Variants in ADK observed in about 807,000 individuals in gnomAD.
ADK encodes adenosine kinase.
A neutral mutation model predicts 44.7 loss-of-function variants in ADK; 24 were observed. The ratio of observed to expected loss-of-function variants is 0.54; its 90% confidence interval spans 0.39 to 0.76. ADK has a LOEUF of 0.76. Ranked by LOEUF, ADK falls within the 30% of genes least tolerant of loss-of-function variation. ADK has a pLI of 0.00. For synonymous variants in ADK, 128 were observed against 142.6 expected (o/e 0.90, Z 0.73); for missense variants, 321 against 425.1 (o/e 0.76, Z 2.15).
intron 9 of ADK, among the ~76,000 whole-genome samples, chr10:74,643,697 G>T (rs1853956238): frequency 6.6e-6 from 1 of 152,110 alleles, no homozygotes; most frequent in Non-Finnish European, 1.5e-5. Context: ...TGTTGTATTT[G>T]CAAAATTGCT....
At chr10:74,602,976 G>A (rs1313617581) in intron 9 of ADK, among the ~76,000 whole-genome samples, 1 of 152,058 alleles carries the variant, frequency 6.6e-6, no homozygotes, top group Non-Finnish European at 1.5e-5. Context: ...GCAATCATTC[G>A]CCAGGCTCTG....
At chr10:74,330,030 C>T (rs780545814) in intron 4 of ADK, among the ~76,000 whole-genome samples, 4 of 151,778 alleles carry the variant, frequency 2.6e-5, no homozygotes, top group South Asian at 2.1e-4. Context: ...TAGCCAGGCA[C>T]GGTGGTACAT....
intron 2 of ADK, among the ~76,000 whole-genome samples, chr10:74,216,868 A>G (rs1241444249): frequency 6.6e-6 from 1 of 152,164 alleles, no homozygotes; most frequent in Non-Finnish European, 1.5e-5. Context: ...TCCTTTTTAT[A>G]TTAATAAAAA....
In ADK at chr10:74,670,232, T is replaced by C. The variant is rs770375300; in HGVS notation, c.927T>C (p.Ile309=). ...TCTTGGATCAAGACCAGAAAGAAATTATTGATACCAATGGAGCTGGAGATG... is the reference window on the plus strand; with the variant it reads ...TCTTGGATCAAGACCAGAAAGAAATCATTGATACCAATGGAGCTGGAGATG... ...FAVLDQDQKE[I]IDTNGAGDAF... Residue 309 remains isoleucine, a synonymous_variant, in exon 10 of 11, where the codon ATT becomes ATC. Coordinates refer to ENST00000539909, the MANE Select transcript of ADK (RefSeq NM_006721.4). 3.7e-5 allele frequency: 59 copies of C among 1,613,878 alleles called. No individual in the cohort carries two copies. Among genetic ancestry groups the C allele is most frequent in the Non-Finnish European group, 5.0e-5 (59 of 1,179,916 alleles).
chr10:74,553,876 A>G (rs143765339), intron 7 of ADK, among the ~76,000 whole-genome samples: 27 of 152,328 alleles, frequency 1.8e-4, no homozygotes, highest in Non-Finnish European at 3.7e-4. Context: ...ATCTCTACTA[A>G]TAAATCTCAC....
intron 7 of ADK, among the ~76,000 whole-genome samples, chr10:74,540,155 TA>T (rs1175271811): frequency 2.6e-5 from 4 of 152,022 alleles, no homozygotes; most frequent in South Asian, 4.2e-4. Context: ...TTTTAAAAAT[TA>T]AAAAAAATTA....
chr10:74,462,163 A>G (rs2133247041), intron 6 of ADK, among the ~76,000 whole-genome samples: 1 of 152,202 alleles, frequency 6.6e-6, no homozygotes, highest in African/African-American at 2.4e-5. Flanking sequence ...CCATGTCCTA[A>G]GCAGCAGTAA....
chr10:74,318,255 G>A (rs1840695484), intron 4 of ADK, among the ~76,000 whole-genome samples: 1 of 152,088 alleles, frequency 6.6e-6, no homozygotes, highest in South Asian at 2.1e-4. Context: ...TTGAACTGCT[G>A]CGCTCACAGG....
intron 9 of ADK, among the ~76,000 whole-genome samples, chr10:74,604,340 A>C (rs1022181939): frequency 1.3e-5 from 2 of 152,078 alleles, no homozygotes; most frequent in African/African-American, 4.8e-5. Context: ...CTATGTCCTG[A>C]ATGGTATTAC....
At chr10:74,387,111 A>G (rs1592137148) in intron 4 of ADK, among the ~76,000 whole-genome samples, 1 of 152,002 alleles carries the variant, frequency 6.6e-6, no homozygotes, top group Non-Finnish European at 1.5e-5. Flanking sequence ...TAATTATTGC[A>G]TTTTTAGTAG....
intron 7 of ADK, among the ~76,000 whole-genome samples, chr10:74,581,952 G>C (rs1448989272): frequency 6.6e-6 from 1 of 152,124 alleles, no homozygotes; most frequent in African/African-American, 2.4e-5. Flanking sequence ...CTGCTGTATG[G>C]CCTTGGACAT....
At chr10:74,216,965 T>C (rs1191273928) in intron 2 of ADK, among the ~76,000 whole-genome samples, 1 of 152,154 alleles carries the variant, frequency 6.6e-6, no homozygotes, top group African/African-American at 2.4e-5. Flanking sequence ...GATTTCTGCA[T>C]TTCCATCTGA....
At chr10:74,653,316 G>A (rs180952742) in intron 9 of ADK, among the ~76,000 whole-genome samples, 229 of 152,210 alleles carry the variant, frequency 1.5e-3, no homozygotes, top group African/African-American at 4.9e-3. Flanking sequence ...GTTGGGCTTG[G>A]TGGTGGGCAC....
chr10:74,654,228 A>G (rs893347844), intron 9 of ADK, among the ~76,000 whole-genome samples: 7 of 152,242 alleles, frequency 4.6e-5, no homozygotes. Flanking sequence ...AAGAAGGGTC[A>G]CATTTAGAAT....
intron 6 of ADK, among the ~76,000 whole-genome samples, chr10:74,482,804 A>G (rs955849909): frequency 4.6e-5 from 7 of 152,018 alleles, no homozygotes; most frequent in Non-Finnish European, 7.4e-5. Flanking sequence ...ATAATCTTTG[A>G]CTCTATGTCT....
intron 2 of ADK, among the ~76,000 whole-genome samples, chr10:74,223,717 A>T (rs1040199106): frequency 6.6e-6 from 1 of 152,148 alleles, no homozygotes; most frequent in Non-Finnish European, 1.5e-5. Flanking sequence ...CCTGTATTTT[A>T]TGACCAGAGA....
At chr10:74,463,623 A>G (rs1387619454) in intron 6 of ADK, among the ~76,000 whole-genome samples, 1 of 152,156 alleles carries the variant, frequency 6.6e-6, no homozygotes, top group Non-Finnish European at 1.5e-5. Flanking sequence ...CCAGTTCCTA[A>G]CAGGCCATGG....
intron 10 of ADK, among the ~76,000 whole-genome samples, chr10:74,672,340 T>C (rs1032129672): frequency 2.5e-4 from 38 of 152,312 alleles, no homozygotes; most frequent in African/African-American, 8.9e-4. Flanking sequence ...TTCCTAGCTC[T>C]CCAGCTGTAC....
chr10:74,683,477 A>C (rs750882173), intron 10 of ADK, among the ~76,000 whole-genome samples: 1 of 152,206 alleles, frequency 6.6e-6, no homozygotes, highest in Non-Finnish European at 1.5e-5. Flanking sequence ...TAGATGACAA[A>C]AATTTTGTTT....
Sources: allele counts gnomAD v4.1 joint callset (sites outside exome capture counted in the v4.1 genomes callset), GRCh38; gene constraint gnomAD v4.1.1; transcripts MANE v1.5; gene names NCBI Gene and HGNC (gene_info 2026-07-23, HGNC 2026-07-21).